C14orf39: variants seen among roughly 807,000 people sequenced by gnomAD.
C14orf39 encodes chromosome 14 open reading frame 39.
C14orf39 carries 66 observed loss-of-function variants against 85.6 expected under a neutral mutation model. That is an observed-to-expected ratio of 0.77 (90% confidence interval 0.63 to 0.95). C14orf39 has a LOEUF of 0.95. Ranked by LOEUF, C14orf39 falls within the 40% of genes least tolerant of loss-of-function variation. The pLI is 0.00. For missense variants in C14orf39, 735 were observed against 663.9 expected, an observed-to-expected ratio of 1.11 and a Z score of -1.18; for synonymous variants, 242 against 214.0, an observed-to-expected ratio of 1.13 and a Z score of -1.14.
intron 5 of C14orf39, among the ~76,000 whole-genome samples, chr14:60,477,229 A>T (rs962592312): frequency 1.1e-4 from 16 of 152,126 alleles, no homozygotes; most frequent in African/African-American, 3.9e-4. Context: ...TTTTTGCTCC[A>T]TACATTTCCA....
At chr14:60,452,044 A>T (rs1891060557) in intron 16 of C14orf39, among the ~76,000 whole-genome samples, 1 of 149,986 alleles carries the variant, frequency 6.7e-6, no homozygotes, top group East Asian at 2.0e-4. Flanking sequence ...AAAATTAGCC[A>T]GGCATGGTGG....
chr14:60,492,165 A>G (rs1287349144), intron 2 of C14orf39, among the ~76,000 whole-genome samples: 1 of 152,168 alleles, frequency 6.6e-6, no homozygotes, highest in Non-Finnish European at 1.5e-5. Context: ...AGTCAGGCGC[A>G]ATAACTAAGA....
At chr14:60,487,721 C>T (rs1449230475), upstream of C14orf39, among the ~76,000 whole-genome samples, 4 of 152,166 alleles carry the variant, frequency 2.6e-5, no homozygotes, top group African/African-American at 2.4e-5. Flanking sequence ...TCCCTAATGG[C>T]GGTACCCATT....
At chr14:60,504,866 C>T (rs1170296337) in intron 1 of C14orf39, among the ~76,000 whole-genome samples, 1 of 152,190 alleles carries the variant, frequency 6.6e-6, no homozygotes, top group African/African-American at 2.4e-5. Flanking sequence ...AGTCAAAACA[C>T]AGTTGAACAG....
At chr14:60,513,613 T>C (rs1289852381) in intron 1 of C14orf39, among the ~76,000 whole-genome samples, 1 of 152,180 alleles carries the variant, frequency 6.6e-6, no homozygotes, top group Non-Finnish European at 1.5e-5. Flanking sequence ...AATTTTCTCT[T>C]AAGTTTATGC....
chr14:60,485,220 G>A, intron 1 of C14orf39, 134 bp from the exon 2 acceptor site: 1 of 732,406 alleles, frequency 1.4e-6, no homozygotes, highest in South Asian at 1.8e-5. Flanking sequence ...GAAGACGAGA[G>A]GCCCCCTTGA....
upstream of C14orf39, among the ~76,000 whole-genome samples, chr14:60,486,677 C>G (rs1458450488): frequency 6.6e-6 from 1 of 152,156 alleles, no homozygotes; most frequent in Non-Finnish European, 1.5e-5. Flanking sequence ...TGCCTCAATC[C>G]TTTGTATATT....
intron 1 of C14orf39, chr14:60,511,226 T>C (rs1893289627): frequency 1.2e-6 from 2 of 1,613,244 alleles, no homozygotes; most frequent in East Asian, 2.2e-5. Context: ...CTCCATCACG[T>C]CCAGCGACAG....
intron 11 of C14orf39, among the ~76,000 whole-genome samples, chr14:60,462,646 G>A (rs1891584521): frequency 6.6e-6 from 1 of 152,074 alleles, no homozygotes; most frequent in Non-Finnish European, 1.5e-5. Context: ...AACAAGTGAT[G>A]CTACTGTTTT....
rs75191943 is a variant in C14orf39 at position 60,476,090 on chromosome 14, A to G, written c.323+2210T>C. Among the ~76,000 whole-genome samples the G allele has an allele frequency of 1.3e-3, 194 of 152,344 alleles. 7 individuals are homozygous for G. In the East Asian group the frequency reaches 0.033, roughly 26 times the overall value. ...TGAATATTACTAAACTGTCCCCTTT[A>G]GCAAGGAAAAGCAGTTGAGCCCCAA... On this transcript the variant is annotated intron_variant, in intron 5 of 17. Transcript: ENST00000321731.
intron 2 of C14orf39, among the ~76,000 whole-genome samples, chr14:60,492,735 A>T (rs555220282): frequency 1.3e-5 from 2 of 152,274 alleles, no homozygotes; most frequent in South Asian, 4.1e-4. Context: ...GTAAACCAAG[A>T]TTGTGCCACT....
Position 60,437,050 on chromosome 14 carries a change from A to G in C14orf39, c.1562-3T>C. 2 of 1,586,572 alleles carry G rather than the reference A, an allele frequency of 1.3e-6. No individual in the cohort carries two copies. The highest frequency in any genetic ancestry group is 3.6e-4 in the Middle Eastern group (2 of 5,566). On this transcript the variant is annotated splice_region_variant and splice_polypyrimidine_tract_variant and intron_variant, in intron 17 of 17. Transcript: ENST00000321731. ...TTCTGGCTTCTCAAGTAAGTTTCCT[A>G]AGGAAGATAAACATTACAATATCAT...
chr14:60,444,611 G>C (rs1430756579), intron 16 of C14orf39, among the ~76,000 whole-genome samples: 1 of 152,208 alleles, frequency 6.6e-6, no homozygotes, highest in African/African-American at 2.4e-5. Flanking sequence ...ATGGAACCAA[G>C]TTAGAAAACA....
intron 17 of C14orf39, among the ~76,000 whole-genome samples, chr14:60,438,866 A>T (rs1405506014): frequency 6.6e-6 from 1 of 152,214 alleles, no homozygotes; most frequent in African/African-American, 2.4e-5. Context: ...TGGCCAAAGC[A>T]CAGGTTACCC....
chr14:60,452,186 T>C (rs1447516441), intron 16 of C14orf39, among the ~76,000 whole-genome samples: 1 of 142,906 alleles, frequency 7.0e-6, no homozygotes, highest in African/African-American at 2.6e-5. Context: ...AAAAAAAAGA[T>C]AGAATTTCAA....
chr14:60,472,174 T>C (rs1351127362), intron 5 of C14orf39, among the ~76,000 whole-genome samples: 1 of 152,010 alleles, frequency 6.6e-6, no homozygotes, highest in Admixed American at 6.6e-5. Flanking sequence ...TAAAACCATA[T>C]CTTTTTAATC....
chr14:60,454,147 T>C (rs1456709829), intron 16 of C14orf39, among the ~76,000 whole-genome samples: 1 of 145,316 alleles, frequency 6.9e-6, no homozygotes, highest in African/African-American at 2.4e-5. Context: ...CTATAACATG[T>C]ATAGTACTAT....
intron 16 of C14orf39, among the ~76,000 whole-genome samples, chr14:60,442,392 G>A (rs1306668143): frequency 6.6e-6 from 1 of 152,100 alleles, no homozygotes; most frequent in African/African-American, 2.4e-5. Context: ...ATCTTAATAT[G>A]ATATTTTGCT....
intron 11 of C14orf39, among the ~76,000 whole-genome samples, 190 bp downstream of exon 11, chr14:60,465,789 T>A (rs1193808067): frequency 6.7e-6 from 1 of 148,308 alleles, no homozygotes; most frequent in Non-Finnish European, 1.5e-5. Flanking sequence ...AATGCCATAT[T>A]GAAACACCTT....
Sources: allele counts gnomAD v4.1 joint callset (sites outside exome capture counted in the v4.1 genomes callset), GRCh38; gene constraint gnomAD v4.1.1; transcripts MANE v1.5; gene names NCBI Gene and HGNC (gene_info 2026-07-23, HGNC 2026-07-21).